The following DAB2IP variants were observed in gnomAD, a reference collection of about 807,000 sequenced individuals.
The protein encoded by DAB2IP is DAB2 interacting protein.
A neutral mutation model predicts 107.2 loss-of-function variants in DAB2IP; 28 were observed. The observed-to-expected ratio is 0.26, with a 90% confidence interval of 0.19 to 0.36. DAB2IP has a LOEUF of 0.36. Among genes scored for constraint, DAB2IP ranks in the 10% least tolerant of loss-of-function variants. The pLI, the probability that DAB2IP is intolerant of heterozygous loss-of-function variation, is 1.00. For synonymous variants in DAB2IP, 755 were observed against 706.4 expected, an observed-to-expected ratio of 1.07 and a Z score of -1.09; for missense variants, 1,400 against 1,644.7, an observed-to-expected ratio of 0.85 and a Z score of 2.57.
At chr9:121,774,333 T>C in exon 13 of DAB2IP, 1 of 1,613,296 alleles carries the variant, frequency 6.2e-7, no homozygotes, top group Non-Finnish European at 8.5e-7. Flanking sequence ...GCGCAGTTGT[T>C]AGAAGACGAG....
intron 2 of DAB2IP, among the ~76,000 whole-genome samples, chr9:121,689,834 A>G (rs1280111919): frequency 1.3e-5 from 2 of 152,244 alleles, no homozygotes; most frequent in African/African-American, 4.8e-5. Context: ...GAGATCAGCT[A>G]GACTAATCCC....
chr9:121,692,317 G>A (rs1267294379), intron 2 of DAB2IP, among the ~76,000 whole-genome samples: 1 of 152,206 alleles, frequency 6.6e-6, no homozygotes, highest in African/African-American at 2.4e-5. Context: ...GTGTTTGTGT[G>A]TGTCTGTATG....
At chr9:121,783,209 G>C in exon 16 of DAB2IP, 5 of 1,140,452 alleles carry the variant, frequency 4.4e-6, no homozygotes, top group Non-Finnish European at 5.4e-6. Flanking sequence ...GATAGACCCA[G>C]TGAGGGCCAT....
chr9:121,657,818 G>T (rs1833030755), intron 1 of DAB2IP, among the ~76,000 whole-genome samples: 1 of 152,170 alleles, frequency 6.6e-6, no homozygotes, highest in Non-Finnish European at 1.5e-5. Flanking sequence ...GGGGCTTGGA[G>T]CCTATTTGCC....
At position 121,653,317 on chromosome 9, in the gene DAB2IP, G is replaced by A. The variant is rs530837554; in HGVS notation, c.124+1418G>A. 3.3e-5 allele frequency among the ~76,000 whole-genome samples: 5 copies of A among 151,766 alleles called. No individual in the cohort carries two copies. In the South Asian group the frequency reaches 1.1e-3, roughly 32 times the overall value. On this transcript the variant is annotated intron_variant, in intron 1 of 15. Transcript: ENST00000408936. ...GGGAAGGCTTTATCTCAGTGGTTCA[G>A]GTTTTGGTTCTTCTATCTCTGTCCT...
intron 10 of DAB2IP, among the ~76,000 whole-genome samples, chr9:121,769,455 T>C (rs1041064380): frequency 6.6e-6 from 1 of 152,246 alleles, no homozygotes; most frequent in Non-Finnish European, 1.5e-5. Context: ...TGTGCATTTC[T>C]TACCACTGTG....
At position 121,763,685 on chromosome 9, in the gene DAB2IP, G is replaced by T. The variant is rs757310899; in HGVS notation, c.1315+36G>T. On this transcript the variant is annotated intron_variant, in intron 7 of 15. Transcript: ENST00000408936. Reference sequence around the variant, plus strand: ...GGCCAGCAGCAGGGCAGAGGGTGGGGCAGGGCCCGCCAGGTCCTCACTCCC... The same window carrying T: ...GGCCAGCAGCAGGGCAGAGGGTGGGTCAGGGCCCGCCAGGTCCTCACTCCC... 5.0e-6 allele frequency: 8 copies of T among 1,611,834 alleles called. No individual in the cohort carries two copies. In the East Asian group the frequency reaches 6.7e-5, roughly 13 times the overall value.
Position 121,750,296 on chromosome 9 carries a change from G to T in DAB2IP, c.363-6717G>T, listed in dbSNP as rs35197627. On this transcript the variant is annotated intron_variant, in intron 3 of 15. Coordinates refer to ENST00000408936, the Ensembl canonical transcript of DAB2IP. ...CTCCTGCCCGCTCGCAGCTGCAGGT[G>T]CATTTCTGTAGCATTCACTTGTGTG... 3.6e-3 allele frequency among the ~76,000 whole-genome samples: 541 copies of T among 152,338 alleles called. 3 individuals are homozygous for T. Among genetic ancestry groups the T allele is most frequent in the Non-Finnish European group, 4.0e-3 (275 of 68,026 alleles).
At chr9:121,607,572 C>T (rs1175642539) in intron 1 of DAB2IP, among the ~76,000 whole-genome samples, 1 of 152,290 alleles carries the variant, frequency 6.6e-6, no homozygotes, top group Admixed American at 6.5e-5. Flanking sequence ...CCACTTTGGC[C>T]TCCCAAAGTG....
chr9:121,710,963 C>T (rs1830310955), intron 3 of DAB2IP, among the ~76,000 whole-genome samples: 3 of 152,220 alleles, frequency 2.0e-5, no homozygotes, highest in African/African-American at 7.2e-5. Flanking sequence ...TCCAGCCTGC[C>T]TGAGGTGGTC....
At chr9:121,743,172 A>G (rs979851111) in intron 3 of DAB2IP, among the ~76,000 whole-genome samples, 9 of 152,182 alleles carry the variant, frequency 5.9e-5, no homozygotes, top group African/African-American at 2.2e-4. Flanking sequence ...AAGATGGGGC[A>G]ATGGTAATGC....
chr9:121,766,632 C>T, exon 9 of DAB2IP: 1 of 1,614,190 alleles, frequency 6.2e-7, no homozygotes. Flanking sequence ...TCATGTCGCC[C>T]TCACTCTTCA....
At chr9:121,622,908 G>T (rs568313005) in intron 1 of DAB2IP, among the ~76,000 whole-genome samples, 9 of 152,152 alleles carry the variant, frequency 5.9e-5, no homozygotes, top group Non-Finnish European at 1.2e-4. Flanking sequence ...GGGCCACTGG[G>T]CTTTGACTTA....
chr9:121,757,095 C>G, exon 4 of DAB2IP: 2 of 1,614,194 alleles, frequency 1.2e-6, no homozygotes, highest in Non-Finnish European at 1.7e-6. Flanking sequence ...GGCGCTGGAC[C>G]TCAGCATGGA....
chr9:121,611,249 C>T (rs1252375267), intron 1 of DAB2IP, among the ~76,000 whole-genome samples: 1 of 152,218 alleles, frequency 6.6e-6, no homozygotes, highest in African/African-American at 2.4e-5. Context: ...GTTGGGATTA[C>T]AGGCATGAGC....
chr9:121,637,673 G>A (rs749033040), intron 1 of DAB2IP, among the ~76,000 whole-genome samples: 9 of 152,186 alleles, frequency 5.9e-5, no homozygotes, highest in South Asian at 2.1e-4. Context: ...TTGGAATTCC[G>A]CGTTGCCTGC....
intron 3 of DAB2IP, among the ~76,000 whole-genome samples, chr9:121,731,317 A>G (rs1480426476): frequency 1.3e-5 from 2 of 152,134 alleles, no homozygotes; most frequent in Non-Finnish European, 2.9e-5. Flanking sequence ...GTAAAATGGG[A>G]ACAGTGATCT....
At chr9:121,636,762 C>T (rs1405243613) in intron 1 of DAB2IP, among the ~76,000 whole-genome samples, 2 of 152,216 alleles carry the variant, frequency 1.3e-5, no homozygotes, top group Non-Finnish European at 2.9e-5. Flanking sequence ...CTTTACACCA[C>T]GTCTTGATTC....
chr9:121,715,749 A>G (rs1402106082), intron 3 of DAB2IP, among the ~76,000 whole-genome samples: 1 of 152,100 alleles, frequency 6.6e-6, no homozygotes, highest in Non-Finnish European at 1.5e-5. Context: ...TCCCCATGAA[A>G]TGGGTTGGTT....
Sources: gnomAD v4.1 joint callset for allele counts (sites outside exome capture counted in the v4.1 genomes callset) on GRCh38, gnomAD v4.1.1 for gene constraint, MANE v1.5 for transcripts, NCBI Gene and HGNC (gene_info 2026-07-23, HGNC 2026-07-21) for gene names.